The following DNAI4 variants were observed in gnomAD, a reference collection of about 807,000 sequenced individuals.
DNAI4 encodes the protein WD repeat domain 78.
A neutral mutation model predicts 105.8 loss-of-function variants in DNAI4; 85 were observed. That is an observed-to-expected ratio of 0.80 (90% CI 0.67 to 0.96). DNAI4 has a LOEUF of 0.96. Among genes scored for constraint, DNAI4 ranks in the 40% least tolerant of loss-of-function variants. The pLI is 0.00. For synonymous variants in DNAI4, 352 were observed against 331.5 expected, an observed-to-expected ratio of 1.06 and a Z score of -0.67; for missense variants, 1,014 against 1,005.6, an observed-to-expected ratio of 1.01 and a Z score of -0.11.
intron 6 of DNAI4, among the ~76,000 whole-genome samples, chr1:66,867,195 T>A (rs1646752173): frequency 6.6e-6 from 1 of 152,194 alleles, no homozygotes; most frequent in African/African-American, 2.4e-5. Context: ...TTCCAACCAG[T>A]CTGATGTCTT....
chr1:66,822,439 G>A lies in DNAI4; in HGVS notation c.2418C>T (p.Cys806=), dbSNP rs772669325. Residue 806 remains cysteine (C), a synonymous_variant, in exon 16 of 17, where the codon TGC becomes TGT. Transcript: ENST00000371026. ...GTCCATCACTGTCTCCTACCAGAAG[G>A]CAATCTGTTTGTTTGGCAAAGAGAA... ...TTILFAKQTD[C]LLVGDSDGQV... is the part of the protein sequence containing the mutation. 3 of 1,613,382 alleles carry A rather than the reference G, an allele frequency of 1.9e-6. No homozygotes were observed. The African/African-American group carries it at 4.0e-5, about 22-fold the overall frequency.
rs71242799 is a variant in DNAI4 at position 66,830,976 on chromosome 1, C to CAAAAA, written c.2013+2604_2013+2608dup. 1.7e-3 allele frequency among the ~76,000 whole-genome samples: 140 copies of CAAAAA among 81,658 alleles called. 2 individuals are homozygous for CAAAAA. Among genetic ancestry groups the CAAAAA allele is most frequent in the African/African-American group, 4.0e-3 (71 of 17,798 alleles). 53.6% of individuals were successfully genotyped at this position (81,658 alleles called of 152,430 possible). ...TAGATGACAGAGTGAGACTCTGTCACAAAAAAAAAAAAAAAAAAATTAGAG... is the reference window on the plus strand; with the variant it reads ...TAGATGACAGAGTGAGACTCTGTCACAAAAAAAAAAAAAAAAAAAAAAAATTAGAG... On this transcript the variant is annotated intron_variant, in intron 13 of 16. Transcript: ENST00000371026.
At chr1:66,913,699 G>A (rs1649831482) in intron 1 of DNAI4, among the ~76,000 whole-genome samples, 1 of 152,100 alleles carries the variant, frequency 6.6e-6, no homozygotes. Flanking sequence ...TAAGAAGGTG[G>A]AGGCCGGGCG....
intron 15 of DNAI4, among the ~76,000 whole-genome samples, chr1:66,824,320 G>C (rs1645702083): frequency 1.3e-5 from 2 of 149,672 alleles, no homozygotes; most frequent in African/African-American, 4.9e-5. Flanking sequence ...TAGCCTTGTA[G>C]TATAGTTTGA....
At chr1:66,896,746 A>G (rs979904811) in intron 2 of DNAI4, among the ~76,000 whole-genome samples, 1 of 152,160 alleles carries the variant, frequency 6.6e-6, no homozygotes, top group South Asian at 2.1e-4. Context: ...CCCACTAGCA[A>G]CAAGGCCCTA....
intron 8 of DNAI4, among the ~76,000 whole-genome samples, chr1:66,846,708 A>C (rs1395155627): frequency 6.6e-6 from 1 of 152,232 alleles, no homozygotes; most frequent in Non-Finnish European, 1.5e-5. Flanking sequence ...AGGATACATC[A>C]GCAAAGTGGG....
chr1:66,907,450 T>G (rs985336484), intron 1 of DNAI4, among the ~76,000 whole-genome samples: 5 of 152,160 alleles, frequency 3.3e-5, no homozygotes, highest in African/African-American at 1.2e-4. Flanking sequence ...TGCCCTACTA[T>G]CCTTACAAAA....
intron 1 of DNAI4, among the ~76,000 whole-genome samples, chr1:66,910,604 G>C (rs1229362024): frequency 6.6e-6 from 1 of 152,214 alleles, no homozygotes; most frequent in Non-Finnish European, 1.5e-5. Flanking sequence ...AACAACAGGC[G>C]CAGCCCCTGT....
In DNAI4 at chr1:66,924,803, G is replaced by A. The variant is rs760228696; in HGVS notation, c.29C>T (p.Ser10Leu). The stretch of plus-strand genomic sequence containing the variant: ...AGCTCCTCCGTTAGCGGCTCGGGCC[G>A]AGGCTCCGGAATGTTTGCCGGGCGT... MTPGKHSGASARAANGGAWG... is the reference protein window; with the variant it reads MTPGKHSGALARAANGGAWG... Residue 10 changes from serine to leucine, a missense_variant, in exon 1 of 17, where the codon TCG (serine) becomes TTG (leucine). Coordinates refer to ENST00000371026, the MANE Select transcript of DNAI4 (RefSeq NM_024763.5). The A allele has an allele frequency of 6.2e-7, 1 of 1,614,068 alleles. No homozygotes were observed. The highest frequency in any genetic ancestry group is 1.3e-5 in the African/African-American group (1 of 75,042).
In DNAI4 at chr1:66,871,492, TA is replaced by T; in HGVS notation, c.817del (p.Tyr273MetfsTer9). 3 of 1,591,898 alleles carry T rather than the reference TA, an allele frequency of 1.9e-6. No homozygotes were observed. Among genetic ancestry groups the T allele is most frequent in the Non-Finnish European group, 2.6e-6 (3 of 1,171,956 alleles). On this transcript the variant is annotated frameshift_variant, in exon 6 of 17. Transcript: ENST00000371026. LOFTEE classifies it high-confidence loss of function. ...TAATCTGTTTCTACAAAGGACTTCA[TA>T]ATTCTTGTTTCTCTGACTGTAAAAA... Reference protein sequence around the residue: ...AEKVTQRNKNYEVLCRNRLGN... With the variant: ...AEKVTQRNKNXEVLCRNRLGN...
At chr1:66,909,893 T>C (rs1649531310) in intron 1 of DNAI4, among the ~76,000 whole-genome samples, 1 of 152,156 alleles carries the variant, frequency 6.6e-6, no homozygotes, top group Non-Finnish European at 1.5e-5. Context: ...AAAATACATC[T>C]GGAATCCATT....
In DNAI4 at chr1:66,893,011, G is replaced by A. The variant is rs56213511; in HGVS notation, c.530+218C>T. ...AAAGAAAGAAAGAGAGAAAGAGAGA[G>A]AGGAAAGAAAGAAAGAAAGAGAGGA... On this transcript the variant is annotated intron_variant, in intron 3 of 16. Coordinates refer to ENST00000371026, the MANE Select transcript of DNAI4 (RefSeq NM_024763.5). Among the ~76,000 whole-genome samples, 215 of 102,232 alleles carry A rather than the reference G, an allele frequency of 2.1e-3. 14 individuals carry two copies. The highest frequency in any genetic ancestry group is 5.7e-3 in the Middle Eastern group (1 of 174). The allele number at this position is 102,232 out of a possible 152,430, so 67.1% of individuals were successfully genotyped here.
chr1:66,845,947 G>A (rs918074977), intron 8 of DNAI4, among the ~76,000 whole-genome samples: 8 of 151,388 alleles, frequency 5.3e-5, no homozygotes, highest in African/African-American at 1.9e-4. Flanking sequence ...TCTTGATTAG[G>A]GTATTGGTAA....
intron 4 of DNAI4, among the ~76,000 whole-genome samples, chr1:66,877,631 C>T (rs541625437): frequency 2.0e-5 from 3 of 152,132 alleles, no homozygotes; most frequent in East Asian, 1.9e-4. Flanking sequence ...CATATAAAGT[C>T]CATATTTTAT....
At chr1:66,833,750 G>A (rs1446704394) in intron 12 of DNAI4, 44 bp from the exon 13 acceptor site, 1 of 1,593,560 alleles carries the variant, frequency 6.3e-7, no homozygotes, top group Non-Finnish European at 8.5e-7. Context: ...TTTACCACAT[G>A]AAAGAGTACC....
intron 15 of DNAI4, among the ~76,000 whole-genome samples, chr1:66,826,309 T>C (rs900526446): frequency 6.6e-6 from 1 of 152,098 alleles, no homozygotes; most frequent in Non-Finnish European, 1.5e-5. Flanking sequence ...CTTTAGTCTT[T>C]TTTTTTTGAG....
intron 1 of DNAI4, among the ~76,000 whole-genome samples, chr1:66,909,379 T>G (rs1183581838): frequency 6.6e-6 from 1 of 151,162 alleles, no homozygotes; most frequent in Admixed American, 6.6e-5. Context: ...ATCAAAAGGA[T>G]TATTACCAAG....
intron 1 of DNAI4, among the ~76,000 whole-genome samples, chr1:66,916,814 A>G (rs1205545009): frequency 1.3e-5 from 2 of 152,054 alleles, no homozygotes; most frequent in African/African-American, 4.8e-5. Flanking sequence ...AATAAATTTA[A>G]TTGGCTTCAT....
At chr1:66,815,744 C>A (rs565897858) in intron 16 of DNAI4, among the ~76,000 whole-genome samples, 2 of 152,282 alleles carry the variant, frequency 1.3e-5, no homozygotes, top group Admixed American at 6.5e-5. Flanking sequence ...CCTCATCATG[C>A]CAGTAGAAGA....
Sources: gnomAD v4.1 joint callset for allele counts (sites outside exome capture counted in the v4.1 genomes callset) on GRCh38, gnomAD v4.1.1 for gene constraint, MANE v1.5 for transcripts, NCBI Gene and HGNC (gene_info 2026-07-23, HGNC 2026-07-21) for gene names.